MAP3K13: variants seen among roughly 807,000 people sequenced by gnomAD.
MAP3K13 encodes the protein mitogen-activated protein kinase kinase kinase 13.
In MAP3K13, 52 loss-of-function variants were observed where a neutral mutation model predicts 104.0. The observed-to-expected ratio is 0.50, with a 90% CI of 0.40 to 0.63. The LOEUF is 0.63. Ranked by LOEUF, MAP3K13 falls within the 20% of genes least tolerant of loss-of-function variation. The probability of loss-of-function intolerance (pLI) is 0.00; values close to 1 mark genes in which losing one functional copy is unlikely to be tolerated. For missense variants in MAP3K13, 914 were observed against 1,218.5 expected (o/e 0.75, Z 3.72); for synonymous variants, 394 against 442.2 (o/e 0.89, Z 1.37).
intron 2 of MAP3K13, among the ~76,000 whole-genome samples, chr3:185,312,045 A>G (rs1318064632): frequency 2.6e-5 from 4 of 152,248 alleles, no homozygotes; most frequent in Non-Finnish European, 4.4e-5. Context: ...TTGGGTAAAT[A>G]GCCACTGTGT....
intron 1 of MAP3K13, among the ~76,000 whole-genome samples, chr3:185,382,223 C>CTAA (rs35793285): frequency 0.34 from 51,800 of 151,778 alleles, 8,961 homozygotes; most frequent in East Asian, 0.41. Flanking sequence ...GCAACAATAA[C>CTAA]TAATAACATA....
At chr3:185,340,971 C>T (rs1015193854) in intron 2 of MAP3K13, among the ~76,000 whole-genome samples, 6 of 152,144 alleles carry the variant, frequency 3.9e-5, no homozygotes, top group African/African-American at 1.4e-4. Context: ...AGGACTATTA[C>T]ACCATCCTAT....
chr3:185,339,018 A>G (rs138607140), intron 2 of MAP3K13, among the ~76,000 whole-genome samples: 22 of 152,310 alleles, frequency 1.4e-4, no homozygotes, highest in Admixed American at 1.4e-3. Context: ...ATAAGTTAAA[A>G]TTATAAAATG....
intron 2 of MAP3K13, among the ~76,000 whole-genome samples, chr3:185,349,811 G>A (rs188171336): frequency 3.4e-4 from 52 of 152,304 alleles, no homozygotes; most frequent in Non-Finnish European, 1.2e-4. Context: ...TTCCTTTCAT[G>A]TCTCCCTAAG....
In MAP3K13 at chr3:185,405,064, A is replaced by T. The variant is rs540096209; in HGVS notation, c.-85-23433A>T. The stretch of plus-strand genomic sequence containing the variant: ...CTAGCAATGCATTTCAGTACATTGA[A>T]TATTTCTTGTGTCATGCCTTTTTTT... On this transcript the variant is annotated intron_variant, in intron 1 of 13. Coordinates refer to ENST00000265026, the MANE Select transcript of MAP3K13 (RefSeq NM_004721.5). Among the ~76,000 whole-genome samples, 4 of 152,276 alleles carry T rather than the reference A, an allele frequency of 2.6e-5. No individual in the cohort carries two copies. In the South Asian group the frequency reaches 8.3e-4, roughly 32 times the overall value.
intron 2 of MAP3K13, among the ~76,000 whole-genome samples, chr3:185,356,975 T>A (rs1723382847): frequency 6.6e-6 from 1 of 152,226 alleles, no homozygotes; most frequent in Non-Finnish European, 1.5e-5. Context: ...ACTACTCTGA[T>A]GTTTTGGTCT....
chr3:185,337,638 G>A (rs149202446), intron 2 of MAP3K13, among the ~76,000 whole-genome samples: 207 of 152,336 alleles, frequency 1.4e-3, no homozygotes, highest in Non-Finnish European at 2.6e-3. Flanking sequence ...TGTAGGAGGT[G>A]AAAGGAAAGA....
intron 2 of MAP3K13, among the ~76,000 whole-genome samples, chr3:185,351,504 T>A (rs1723138349): frequency 1.3e-5 from 2 of 152,168 alleles, no homozygotes. Context: ...GATGGGATGA[T>A]GTCATGCAAA....
intron 2 of MAP3K13, among the ~76,000 whole-genome samples, chr3:185,321,313 A>G (rs970840457): frequency 6.6e-6 from 1 of 152,194 alleles, no homozygotes; most frequent in Admixed American, 6.5e-5. Flanking sequence ...ATGTGTGTGT[A>G]TAGTATTGAT....
At chr3:185,457,159 GCT>G (rs1198934642) in intron 7 of MAP3K13, among the ~76,000 whole-genome samples, 1 of 121,064 alleles carries the variant, frequency 8.3e-6, no homozygotes, top group African/African-American at 2.8e-5. Flanking sequence ...CACCTGAACC[GCT>G]CCCAGATTAT....
At chr3:185,375,918 A>G (rs1238613850) in intron 1 of MAP3K13, among the ~76,000 whole-genome samples, 4 of 152,182 alleles carry the variant, frequency 2.6e-5, no homozygotes, top group African/African-American at 9.7e-5. Flanking sequence ...ATATTGACGC[A>G]TAGTCGCTTT....
chr3:185,404,201 T>C (rs921608335), intron 1 of MAP3K13, among the ~76,000 whole-genome samples: 1 of 152,224 alleles, frequency 6.6e-6, no homozygotes, highest in Non-Finnish European at 1.5e-5. Flanking sequence ...TAAGAACTTA[T>C]TACCTTACCT....
chr3:185,328,135 C>T (rs1330565966), intron 2 of MAP3K13, among the ~76,000 whole-genome samples: 2 of 152,262 alleles, frequency 1.3e-5, no homozygotes, highest in South Asian at 2.1e-4. Context: ...CATGTTCTCA[C>T]TTTACATCAG....
intron 2 of MAP3K13, among the ~76,000 whole-genome samples, chr3:185,308,620 T>C (rs1459606448): frequency 6.6e-6 from 1 of 152,220 alleles, no homozygotes; most frequent in Admixed American, 6.5e-5. Context: ...AACTCTCCGC[T>C]GTTCTCAGTG....
intron 2 of MAP3K13, among the ~76,000 whole-genome samples, chr3:185,298,345 C>A (rs1238472003): frequency 1.3e-5 from 2 of 151,718 alleles, no homozygotes; most frequent in African/African-American, 4.8e-5. Flanking sequence ...TTTAAAAAAA[C>A]CATTTATGTT....
chr3:185,303,392 G>T (rs2108681091), intron 2 of MAP3K13, among the ~76,000 whole-genome samples: 1 of 152,304 alleles, frequency 6.6e-6, no homozygotes, highest in African/African-American at 2.4e-5. Flanking sequence ...AGAAGGATCA[G>T]TGTTAATTCT....
At chr3:185,289,469 C>T (rs1160576235) in intron 2 of MAP3K13, among the ~76,000 whole-genome samples, 1 of 152,108 alleles carries the variant, frequency 6.6e-6, no homozygotes, top group Admixed American at 6.6e-5. Flanking sequence ...ATAACCAGGA[C>T]ATAAATTTTA....
chr3:185,478,286 A>G (rs534920437), intron 12 of MAP3K13, among the ~76,000 whole-genome samples: 1 of 152,260 alleles, frequency 6.6e-6, no homozygotes, highest in Admixed American at 6.5e-5. Flanking sequence ...TTTCCTACCA[A>G]GAGGTCTTTT....
chr3:185,398,580 T>C (rs371378761), intron 1 of MAP3K13, among the ~76,000 whole-genome samples: 1 of 152,218 alleles, frequency 6.6e-6, no homozygotes, highest in Non-Finnish European at 1.5e-5. Flanking sequence ...TATTTCTTTC[T>C]TTTTAAAAAA....
Sources: gnomAD v4.1 joint callset for allele counts (sites outside exome capture counted in the v4.1 genomes callset) on GRCh38, gnomAD v4.1.1 for gene constraint, MANE v1.5 for transcripts, NCBI Gene and HGNC (gene_info 2026-07-23, HGNC 2026-07-21) for gene names.